Variants in ARHGAP6 observed in about 807,000 individuals in gnomAD.
ARHGAP6 encodes rho GTPase-activating protein 6.
ARHGAP6 carries 16 observed loss-of-function variants against 55.7 expected under a neutral mutation model. The observed-to-expected ratio is 0.29, with a 90% CI of 0.19 to 0.44. The LOEUF (loss-of-function observed/expected upper bound fraction) is 0.44. ARHGAP6 is among the 20% of genes least tolerant of loss of function. ARHGAP6 has a pLI of 1.00. For synonymous variants in ARHGAP6, 382 were observed against 360.9 expected, an observed-to-expected ratio of 1.06 and a Z score of -0.66; for missense variants, 698 against 808.9, an observed-to-expected ratio of 0.86 and a Z score of 1.66.
intron 1 of ARHGAP6, among the ~76,000 whole-genome samples, chrX:11,561,310 C>A (rs1228825847): frequency 2.7e-5 from 3 of 111,920 alleles, no homozygotes; most frequent in Non-Finnish European, 5.6e-5. Context: ...CATATGTACA[C>A]CCAGAGATAT....
chrX:11,336,204 G>A (rs1458087369), intron 1 of ARHGAP6, among the ~76,000 whole-genome samples: 3 of 111,211 alleles, frequency 2.7e-5, no homozygotes, highest in Non-Finnish European at 5.7e-5. Flanking sequence ...TGAAGTAAGT[G>A]GTGGCAATTT....
At chrX:11,258,243 T>G (rs1001069000) in intron 1 of ARHGAP6, among the ~76,000 whole-genome samples, 2 of 110,553 alleles carry the variant, frequency 1.8e-5, no homozygotes, top group Non-Finnish European at 1.9e-5. Flanking sequence ...CTAAGTGGGA[T>G]GCTGATTCCA....
intron 1 of ARHGAP6, among the ~76,000 whole-genome samples, chrX:11,370,714 T>C (rs2049134256): frequency 8.9e-6 from 1 of 111,754 alleles, no homozygotes. Context: ...TACACTTGCT[T>C]AGACCATAGT....
intron 1 of ARHGAP6, among the ~76,000 whole-genome samples, chrX:11,478,323 T>C (rs906036491): frequency 8.9e-6 from 1 of 112,067 alleles, no homozygotes; most frequent in Non-Finnish European, 1.9e-5. Flanking sequence ...GATAAACAAA[T>C]TGTGGTGTGT....
intron 1 of ARHGAP6, among the ~76,000 whole-genome samples, chrX:11,283,034 T>G (rs539697923): frequency 3.6e-5 from 4 of 112,013 alleles, no homozygotes; most frequent in African/African-American, 1.3e-4. Flanking sequence ...ATTTACAACA[T>G]TTCATTTGAT....
At chrX:11,504,792 G>A (rs201058968) in intron 1 of ARHGAP6, among the ~76,000 whole-genome samples, 1 of 111,714 alleles carries the variant, frequency 9.0e-6, no homozygotes, top group East Asian at 2.8e-4. Context: ...AACACATGGG[G>A]AGAAAATGAA....
chrX:11,162,338 C>CA (rs1274342588), intron 9 of ARHGAP6, among the ~76,000 whole-genome samples: 1 of 94,271 alleles, frequency 1.1e-5, no homozygotes, highest in Non-Finnish European at 2.1e-5. Context: ...ACTGTGCCCC[C>CA]CCCCCCATAT....
intron 1 of ARHGAP6, among the ~76,000 whole-genome samples, chrX:11,391,799 A>T (rs752335308): frequency 8.9e-6 from 1 of 112,517 alleles, no homozygotes; most frequent in Non-Finnish European, 1.9e-5. Flanking sequence ...TTTCATGTAG[A>T]TTGCCTAGGG....
chrX:11,488,734 T>A (rs12392161), intron 1 of ARHGAP6, among the ~76,000 whole-genome samples: 1 of 110,058 alleles, frequency 9.1e-6, no homozygotes, highest in Non-Finnish European at 1.9e-5. Flanking sequence ...TGTATGCAAG[T>A]GATCTAGGTT....
chrX:11,306,418 T>C (rs931293639), intron 1 of ARHGAP6, among the ~76,000 whole-genome samples: 6 of 112,843 alleles, frequency 5.3e-5, no homozygotes, highest in South Asian at 3.6e-4. Context: ...GAGCCATCAT[T>C]AGCATTAAAC....
At chrX:11,645,481 C>T (rs965231057) in intron 1 of ARHGAP6, among the ~76,000 whole-genome samples, 7 of 111,223 alleles carry the variant, frequency 6.3e-5, no homozygotes, top group African/African-American at 2.3e-4. Context: ...TCATGATTGC[C>T]CAACCCCAAA....
chrX:11,269,405 T>C (rs1291149995), intron 1 of ARHGAP6, among the ~76,000 whole-genome samples: 2 of 111,968 alleles, frequency 1.8e-5, no homozygotes, highest in Non-Finnish European at 3.8e-5. Context: ...AGAAGACAAA[T>C]ATATTTCTAA....
chrX:11,363,091 A>C (rs948725189), intron 1 of ARHGAP6, among the ~76,000 whole-genome samples: 3 of 112,039 alleles, frequency 2.7e-5, no homozygotes, highest in African/African-American at 9.7e-5. Flanking sequence ...CAACAGCATC[A>C]TTTCTGCTGG....
At chrX:11,376,636 T>G (rs993944099) in intron 1 of ARHGAP6, among the ~76,000 whole-genome samples, 3 of 112,771 alleles carry the variant, frequency 2.7e-5, no homozygotes, top group African/African-American at 9.7e-5. Flanking sequence ...AGACACTAAG[T>G]TTGTGGTCAT....
intron 1 of ARHGAP6, among the ~76,000 whole-genome samples, chrX:11,631,268 T>G (rs2052358022): frequency 9.0e-6 from 1 of 111,294 alleles, no homozygotes; most frequent in African/African-American, 3.3e-5. Context: ...CTCATGCCCA[T>G]AATCCAAGCA....
intron 1 of ARHGAP6, among the ~76,000 whole-genome samples, chrX:11,534,108 G>C (rs1414416959): frequency 1.8e-5 from 2 of 111,504 alleles, no homozygotes; most frequent in Non-Finnish European, 3.8e-5. Flanking sequence ...GAGACTTGAA[G>C]TAGTTACAGT....
chrX:11,575,953 T>G (rs1416948769), intron 1 of ARHGAP6, among the ~76,000 whole-genome samples: 3 of 112,437 alleles, frequency 2.7e-5, no homozygotes, highest in Non-Finnish European at 5.6e-5. Context: ...TGAACTCATA[T>G]CTTGTGAATC....
chrX:11,360,927 T>C (rs775067241), intron 1 of ARHGAP6, among the ~76,000 whole-genome samples: 2 of 110,752 alleles, frequency 1.8e-5, no homozygotes, highest in Non-Finnish European at 3.8e-5. Flanking sequence ...AATAAAATAC[T>C]TAGGAATCCA....
At position 11,616,839 on chromosome X, in the gene ARHGAP6, AAAC is replaced by A. The variant is rs746506435; in HGVS notation, c.588+47399_588+47401del. On this transcript the variant is annotated intron_variant, in intron 1 of 12. Coordinates refer to ENST00000337414, the MANE Select transcript of ARHGAP6 (RefSeq NM_013427.3). ...AGTGGTAGAGGCCAGAGATATTGCT[AAAC>A]ATCCCACAATACAAAGGACAGCTTC... is the stretch of plus-strand genomic sequence containing the variant. 5.2e-3 allele frequency among the ~76,000 whole-genome samples: 584 copies of A among 111,879 alleles called. 3 individuals are homozygous for A. The highest frequency in any genetic ancestry group is 0.015 in the African/African-American group (449 of 30,736).
Sources: gnomAD v4.1 joint callset for allele counts (sites outside exome capture counted in the v4.1 genomes callset) on GRCh38, gnomAD v4.1.1 for gene constraint, MANE v1.5 for transcripts, NCBI Gene and HGNC (gene_info 2026-07-23, HGNC 2026-07-21) for gene names.